The following CAPN7 variants were observed in gnomAD, a reference collection of about 807,000 sequenced individuals.
The protein encoded by CAPN7 is calpain-7.
In CAPN7, 72 loss-of-function variants were observed where a neutral mutation model predicts 115.2. The observed-to-expected ratio is 0.63, with a 90% CI of 0.52 to 0.76. CAPN7 has a LOEUF of 0.76. Among genes scored for constraint, CAPN7 ranks in the 30% least tolerant of loss-of-function variants. CAPN7 has a pLI of 0.00. For synonymous variants in CAPN7, 344 were observed against 322.3 expected, an observed-to-expected ratio of 1.07 and a Z score of -0.72; for missense variants, 905 against 971.5, an observed-to-expected ratio of 0.93 and a Z score of 0.91.
Position 15,241,551 on chromosome 3 carries a change from C to A in CAPN7, c.1751C>A (p.Ala584Glu). Residue 584 changes from alanine (A) to glutamate (E), a missense_variant, in exon 15 of 21, where the codon GCA becomes GAA. Physicochemically the swap from Ala to Glu is moderately radical, Grantham distance 107. This residue lies in a region of CAPN7 where 620 missense variants were observed against 703.4 expected (regional missense o/e 0.88). Coordinates refer to ENST00000253693, the MANE Select transcript of CAPN7 (RefSeq NM_014296.3). ...LEVQCPQGGA[A>E]VWVLLSRHIT... ...GTGCAGTGTCCACAGGGGGGTGCTGCAGTTTGGGTTTTGCTTAGTAGACAC... is the reference window on the plus strand; with the variant it reads ...GTGCAGTGTCCACAGGGGGGTGCTGAAGTTTGGGTTTTGCTTAGTAGACAC... 1 of 1,614,090 alleles carries A rather than the reference C, an allele frequency of 6.2e-7. No individual in the cohort carries two copies. The highest frequency in any genetic ancestry group is 2.2e-5 in the East Asian group (1 of 44,878).
intron 5 of CAPN7, among the ~76,000 whole-genome samples, chr3:15,221,698 G>A (rs1427160989): frequency 6.6e-6 from 1 of 151,908 alleles, no homozygotes; most frequent in African/African-American, 2.4e-5. Flanking sequence ...GTGGTGTGCT[G>A]GCAGCTCACC....
chr3:15,209,397 A>G (rs1015716805), intron 1 of CAPN7, among the ~76,000 whole-genome samples: 3 of 152,240 alleles, frequency 2.0e-5, no homozygotes, highest in Non-Finnish European at 2.9e-5. Context: ...TTGTAAAGAT[A>G]AATCAGCATA....
rs973151972 is a variant in CAPN7, at chr3:15,206,363, A to G, written c.-133A>G. The G allele has an allele frequency of 9.3e-6, 6 of 644,766 alleles. No homozygotes were observed. Among genetic ancestry groups the G allele is most frequent in the Non-Finnish European group, 1.3e-5 (5 of 376,448 alleles). 39.9% of individuals were successfully genotyped at this position (644,766 alleles called of 1,614,324 possible). On this transcript the variant is annotated 5_prime_UTR_variant, in exon 1 of 21. Transcript: ENST00000253693. ...GCAACGGGAAGGCGAGCTCTCCTCC[A>G]CCGTCCAAAGTAAACTTTGCCGCTC... is the stretch of plus-strand genomic sequence containing the variant.
Position 15,242,232 on chromosome 3 carries a change from G to A in CAPN7, c.1843G>A (p.Gly615Arg). The A allele has an allele frequency of 6.3e-7, 1 of 1,596,238 alleles. No homozygotes were observed. Among genetic ancestry groups the A allele is most frequent in the Non-Finnish European group, 8.5e-7 (1 of 1,174,200 alleles). Reference sequence around the variant, plus strand: ...CACAATGGTTGTATACAAGACTGATGGGAAAAAAGTTTATTACCCAGGTAT... The same window carrying A: ...CACAATGGTTGTATACAAGACTGATAGGAAAAAAGTTTATTACCCAGGTAT... ...FITMVVYKTD[G>R]KKVYYPADPP... The change falls in exon 16 of 21, where the codon GGG becomes AGG. Residue 615 changes from glycine to arginine, a missense_variant. By Grantham distance (125) the Gly-to-Arg change is moderately radical (BLOSUM62 -2). Around this residue, in one of 3 missense-constraint regions of CAPN7, gnomAD observed 620 missense variants for 703.4 expected, o/e 0.88. Coordinates refer to ENST00000253693, the MANE Select transcript of CAPN7 (RefSeq NM_014296.3).
At chr3:15,234,231 G>T (rs999626452) in intron 11 of CAPN7, among the ~76,000 whole-genome samples, 2 of 152,166 alleles carry the variant, frequency 1.3e-5, no homozygotes, top group Non-Finnish European at 2.9e-5. Context: ...CAGGAGAATC[G>T]CTTGAACGCA....
At chr3:15,210,304 A>G (rs529605751) in intron 1 of CAPN7, among the ~76,000 whole-genome samples, 118 of 152,256 alleles carry the variant, frequency 7.8e-4, no homozygotes, top group Admixed American at 2.4e-3. Context: ...AATTATTTGG[A>G]AATTAATAAT....
chr3:15,210,197 A>G (rs922703718), intron 1 of CAPN7, among the ~76,000 whole-genome samples: 4 of 151,878 alleles, frequency 2.6e-5, no homozygotes, highest in African/African-American at 9.7e-5. Context: ...TGGGGATTTC[A>G]CTATGTTGCC....
At chr3:15,227,191 T>C (rs923464717) in intron 6 of CAPN7, among the ~76,000 whole-genome samples, 43 of 152,060 alleles carry the variant, frequency 2.8e-4, no homozygotes, top group Middle Eastern at 3.4e-3. Flanking sequence ...TAGAGAAACA[T>C]TGTTACACAC....
In CAPN7 at chr3:15,218,481, A is replaced by G; in HGVS notation, c.378A>G (p.Glu126=). Residue 126 remains glutamate (E), a synonymous_variant, in exon 4 of 21, where the codon GAA becomes GAG. Coordinates refer to ENST00000253693, the MANE Select transcript of CAPN7 (RefSeq NM_014296.3). ...TCTTTCTTTCTCTTAAGTCTTATGAAACTGCTGATAAAGTCCTGCAAAATA... is the reference window on the plus strand; with the variant it reads ...TCTTTCTTTCTCTTAAGTCTTATGAGACTGCTGATAAAGTCCTGCAAAATA... ...AVDLCLKTSY[E]TADKVLQNKL... The G allele has an allele frequency of 6.2e-7, 1 of 1,610,518 alleles. No homozygotes were observed. Among genetic ancestry groups the G allele is most frequent in the Non-Finnish European group, 8.5e-7 (1 of 1,176,816 alleles).
chr3:15,221,445 G>A lies in CAPN7; in HGVS notation c.638+464G>A, dbSNP rs866237367. Among the ~76,000 whole-genome samples the A allele has an allele frequency of 2.4e-4, 35 of 148,902 alleles. 1 individual carries two copies. Among genetic ancestry groups the A allele is most frequent in the African/African-American group, 8.0e-4 (32 of 40,128 alleles). ...TGACCTCAGGTGATTCGCCCACCTC[G>A]GCCTCCCAAAGTATTGGGATTACAG... On this transcript the variant is annotated intron_variant, in intron 5 of 20. Transcript: ENST00000253693.
intron 2 of CAPN7, among the ~76,000 whole-genome samples, chr3:15,213,670 T>A (rs2045076135): frequency 6.6e-6 from 1 of 152,168 alleles, no homozygotes; most frequent in South Asian, 2.1e-4. Flanking sequence ...TTGTGACAAT[T>A]GGAAAAAATA....
intron 5 of CAPN7, 39 bp downstream of exon 5, chr3:15,221,020 T>G: frequency 6.6e-7 from 1 of 1,512,360 alleles, no homozygotes; most frequent in Non-Finnish European, 9.2e-7. Context: ...AAGAATTTTG[T>G]TAACATGAAT....
At chr3:15,210,968 C>T (rs2044905994) in intron 1 of CAPN7, 3 of 1,125,784 alleles carry the variant, frequency 2.7e-6, no homozygotes, top group Non-Finnish European at 3.3e-6. Context: ...TAGGTGGTAG[C>T]ATTGGTAACC....
rs149548704 is a variant in CAPN7, at chr3:15,220,942, A to G, written c.599A>G (p.Gln200Arg). 1.9e-5 allele frequency: 30 copies of G among 1,613,992 alleles called. No individual in the cohort carries two copies. Among genetic ancestry groups the G allele is most frequent in the Non-Finnish European group, 2.5e-5 (29 of 1,179,974 alleles). Reference sequence around the variant, plus strand: ...ATAAGTCCTCAGTCATGTGATGCACAAGGACAGAGATACACAGCAGAAGAA... The same window carrying G: ...ATAAGTCCTCAGTCATGTGATGCACGAGGACAGAGATACACAGCAGAAGAA... ...SFISPQSCDAQGQRYTAEEIE... is the reference protein window; with the variant it reads ...SFISPQSCDARGQRYTAEEIE... The change falls in exon 5 of 21, where the codon CAA (glutamine) becomes CGA (arginine). Residue 200 changes from glutamine to arginine, a missense_variant. Physicochemically the swap from Gln to Arg is conservative, Grantham distance 43. Coordinates refer to ENST00000253693, the MANE Select transcript of CAPN7 (RefSeq NM_014296.3).
intron 2 of CAPN7, among the ~76,000 whole-genome samples, chr3:15,213,884 T>C (rs2045092984): frequency 6.6e-6 from 1 of 151,540 alleles, no homozygotes; most frequent in Admixed American, 6.6e-5. Context: ...AAAGGATTTT[T>C]TTTTTTTTTT....
intron 1 of CAPN7, chr3:15,211,051 G>C: frequency 2.7e-5 from 13 of 490,186 alleles, no homozygotes; most frequent in Middle Eastern, 4.2e-4. Flanking sequence ...GGAAGTTATG[G>C]AATAACTGGA....
chr3:15,226,548 A>G (rs1254717747), intron 6 of CAPN7, among the ~76,000 whole-genome samples: 1 of 152,170 alleles, frequency 6.6e-6, no homozygotes, highest in Non-Finnish European at 1.5e-5. Flanking sequence ...TTTCTCCTCA[A>G]AATTTTTGAG....
intron 19 of CAPN7, among the ~76,000 whole-genome samples, chr3:15,248,246 G>A (rs758057496): frequency 1.7e-4 from 26 of 152,094 alleles, no homozygotes; most frequent in Non-Finnish European, 1.5e-4. Flanking sequence ...CAGATGGCCA[G>A]TAAACCATTG....
chr3:15,208,628 C>A (rs940837893), intron 1 of CAPN7, among the ~76,000 whole-genome samples: 1 of 152,098 alleles, frequency 6.6e-6, no homozygotes, highest in African/African-American at 2.4e-5. Flanking sequence ...GACTCTTGGG[C>A]ATTCAGTTGA....
Sources: allele counts gnomAD v4.1 joint callset (sites outside exome capture counted in the v4.1 genomes callset), GRCh38; gene constraint gnomAD v4.1.1; regional missense constraint gnomAD v4.1.1; transcripts MANE v1.5; gene names NCBI Gene and HGNC (gene_info 2026-07-23, HGNC 2026-07-21).